Variants in MTHFD1L observed in about 807,000 individuals in gnomAD.
MTHFD1L encodes monofunctional C1-tetrahydrofolate synthase, mitochondrial.
In MTHFD1L, 81 loss-of-function variants were observed where a neutral mutation model predicts 119.5. The ratio of observed to expected loss-of-function variants is 0.68; its 90% CI spans 0.57 to 0.82. MTHFD1L has a LOEUF of 0.82. Among genes scored for constraint, MTHFD1L ranks in the 40% least tolerant of loss-of-function variants. MTHFD1L has a pLI of 0.00. For synonymous variants in MTHFD1L, 430 were observed against 475.2 expected (o/e 0.90, Z 1.24); for missense variants, 1,125 against 1,253.4 (o/e 0.90, Z 1.55).
At chr6:151,043,258 CTTTT>C (rs1170553631) in intron 26 of MTHFD1L, among the ~76,000 whole-genome samples, 31 of 78,884 alleles carry the variant, frequency 3.9e-4, no homozygotes, top group African/African-American at 1.5e-3. Context: ...AGTGTTTTCT[CTTTT>C]TTTTTTTTTT....
At chr6:150,895,099 C>T (rs914759739) in intron 7 of MTHFD1L, among the ~76,000 whole-genome samples, 6 of 152,144 alleles carry the variant, frequency 3.9e-5, no homozygotes, top group African/African-American at 1.4e-4. Flanking sequence ...GCTAGGGAAC[C>T]CCCCGCCTTT....
chr6:151,022,167 C>T, intron 24 of MTHFD1L: 1 of 396,410 alleles, frequency 2.5e-6, no homozygotes, highest in Non-Finnish European at 5.3e-6. Context: ...GTTTCCTCCT[C>T]TGCTGGTCTT....
At chr6:150,868,550 G>A (rs1478713910) in intron 1 of MTHFD1L, among the ~76,000 whole-genome samples, 4 of 151,876 alleles carry the variant, frequency 2.6e-5, no homozygotes, top group East Asian at 1.9e-4. Context: ...TGTTGGCCAG[G>A]CTGGTCTCAA....
At chr6:151,089,133 C>T (rs1448512849) in intron 26 of MTHFD1L, among the ~76,000 whole-genome samples, 1 of 152,190 alleles carries the variant, frequency 6.6e-6, no homozygotes, top group Non-Finnish European at 1.5e-5. Context: ...CAGCAGCAGC[C>T]ATAGAGTCCA....
At chr6:150,983,214 CT>C (rs570822278) in intron 20 of MTHFD1L, among the ~76,000 whole-genome samples, 18 of 152,298 alleles carry the variant, frequency 1.2e-4, no homozygotes, top group African/African-American at 3.9e-4. Context: ...ATCTTCTCCC[CT>C]GTATGGCTTA....
chr6:150,957,064 A>T (rs1188524347), intron 17 of MTHFD1L, among the ~76,000 whole-genome samples: 1 of 152,246 alleles, frequency 6.6e-6, no homozygotes, highest in African/African-American at 2.4e-5. Flanking sequence ...TTCCATCCTT[A>T]ACAAGCATTC....
chr6:151,046,470 TGTATATATA>T (rs1788060089), intron 26 of MTHFD1L, among the ~76,000 whole-genome samples: 1 of 12,614 alleles, frequency 7.9e-5, no homozygotes, highest in African/African-American at 1.5e-4. Flanking sequence ...TATGTGTGTG[TGTATATATA>T]TATATATATA....
intron 4 of MTHFD1L, among the ~76,000 whole-genome samples, chr6:150,882,006 A>G (rs541441788): frequency 6.6e-6 from 1 of 152,224 alleles, no homozygotes; most frequent in Non-Finnish European, 1.5e-5. Flanking sequence ...CTCACTTGTG[A>G]GCAAATATTT....
chr6:150,935,199 G>A, intron 11 of MTHFD1L: 2 of 1,611,958 alleles, frequency 1.2e-6, no homozygotes, highest in Non-Finnish European at 1.7e-6. Flanking sequence ...GATGTAGGTG[G>A]TCAGGAGAAA....
chr6:150,968,310 G>A (rs961337487), intron 19 of MTHFD1L, among the ~76,000 whole-genome samples: 1 of 151,648 alleles, frequency 6.6e-6, no homozygotes, highest in Admixed American at 6.6e-5. Flanking sequence ...TAGAGGTTCA[G>A]TAAAGACTTG....
intron 21 of MTHFD1L, among the ~76,000 whole-genome samples, chr6:151,011,039 A>G (rs1782140135): frequency 6.6e-6 from 1 of 152,222 alleles, no homozygotes; most frequent in Non-Finnish European, 1.5e-5. Context: ...GCAGGCCAGC[A>G]GAGAGCCGAG....
intron 24 of MTHFD1L, among the ~76,000 whole-genome samples, chr6:151,020,740 C>T (rs1378195492): frequency 1.3e-5 from 2 of 152,066 alleles, no homozygotes; most frequent in Non-Finnish European, 2.9e-5. Context: ...GTTAAAAGTC[C>T]CCCTCAAGAT....
intron 7 of MTHFD1L, among the ~76,000 whole-genome samples, chr6:150,891,497 C>T (rs977785510): frequency 1.7e-4 from 25 of 147,174 alleles, no homozygotes; most frequent in African/African-American, 5.7e-4. Context: ...ACATTTAGAT[C>T]ACTGTTTAAT....
At chr6:150,948,786 ATGCG>A (rs1562436834) in intron 15 of MTHFD1L, among the ~76,000 whole-genome samples, 9 of 143,676 alleles carry the variant, frequency 6.3e-5, no homozygotes, top group Non-Finnish European at 1.1e-4. Context: ...GATTACAGGC[ATGCG>A]CCACCATGCC....
intron 9 of MTHFD1L, among the ~76,000 whole-genome samples, chr6:150,919,405 A>C (rs894002134): frequency 6.6e-6 from 1 of 151,914 alleles, no homozygotes; most frequent in African/African-American, 2.4e-5. Flanking sequence ...TTGTATTTTT[A>C]GTAGAGACAG....
intron 21 of MTHFD1L, among the ~76,000 whole-genome samples, chr6:151,012,912 A>C (rs900056540): frequency 3.9e-5 from 6 of 152,102 alleles, no homozygotes; most frequent in African/African-American, 7.2e-5. Context: ...TGTTGTACTC[A>C]AAAAGGCCTT....
chr6:151,093,589 G>A (rs1794642944), intron 27 of MTHFD1L, among the ~76,000 whole-genome samples: 1 of 152,136 alleles, frequency 6.6e-6, no homozygotes, highest in Non-Finnish European at 1.5e-5. Context: ...CCGGGAGGCG[G>A]AGGTTGCAGT....
chr6:150,912,168 T>C (rs2128869952), intron 8 of MTHFD1L, among the ~76,000 whole-genome samples: 1 of 152,292 alleles, frequency 6.6e-6, no homozygotes, highest in East Asian at 1.9e-4. Flanking sequence ...ACACTGGGGA[T>C]TACAATTGAA....
intron 16 of MTHFD1L, among the ~76,000 whole-genome samples, chr6:150,953,132 T>C (rs963878327): frequency 2.6e-5 from 4 of 152,100 alleles, no homozygotes; most frequent in African/African-American, 9.7e-5. Flanking sequence ...GCTGGTTCCT[T>C]GCCCCAACAA....
Sources: gnomAD v4.1 joint callset for allele counts (sites outside exome capture counted in the v4.1 genomes callset) on GRCh38, gnomAD v4.1.1 for gene constraint, MANE v1.5 for transcripts, NCBI Gene and HGNC (gene_info 2026-07-23, HGNC 2026-07-21) for gene names.